The following RASGRF1 variants were observed in gnomAD, a reference collection of about 807,000 sequenced individuals.
The protein encoded by RASGRF1 is ras-specific guanine nucleotide-releasing factor 1.
In RASGRF1, 40 loss-of-function variants were observed where a neutral mutation model predicts 138.7. The ratio of observed to expected loss-of-function variants is 0.29; its 90% CI spans 0.22 to 0.38. The LOEUF is 0.38. RASGRF1 is among the 10% of genes least tolerant of loss of function. The pLI, the probability that RASGRF1 is intolerant of heterozygous loss-of-function variation, is 1.00. For synonymous variants in RASGRF1, 614 were observed against 663.2 expected, an observed-to-expected ratio of 0.93 and a Z score of 1.14; for missense variants, 1,108 against 1,650.4, an observed-to-expected ratio of 0.67 and a Z score of 5.69.
intron 1 of RASGRF1, among the ~76,000 whole-genome samples, chr15:79,066,323 C>G (rs918607159): frequency 1.8e-4 from 27 of 152,324 alleles, no homozygotes; most frequent in African/African-American, 5.8e-4. Flanking sequence ...GGATGACACA[C>G]CTGCACTGGG....
intron 6 of RASGRF1, among the ~76,000 whole-genome samples, chr15:79,033,312 G>C (rs1265389853): frequency 6.6e-6 from 1 of 150,794 alleles, no homozygotes; most frequent in Admixed American, 6.6e-5. Flanking sequence ...GTGCGGTCTC[G>C]GCTCACTGTA....
chr15:79,037,026 G>C (rs1038849927), intron 5 of RASGRF1, among the ~76,000 whole-genome samples: 3 of 152,162 alleles, frequency 2.0e-5, no homozygotes, highest in Non-Finnish European at 2.9e-5. Context: ...AGTTCCAAGA[G>C]AGACAGTCCC....
chr15:79,072,941 G>C (rs2057781905), intron 1 of RASGRF1, among the ~76,000 whole-genome samples: 1 of 152,122 alleles, frequency 6.6e-6, no homozygotes, highest in Non-Finnish European at 1.5e-5. Context: ...CACAGGATAG[G>C]ACCCAAATCA....
At chr15:79,059,385 TTC>T (rs1308189563) in intron 2 of RASGRF1, among the ~76,000 whole-genome samples, 46 of 94,666 alleles carry the variant, frequency 4.9e-4, no homozygotes, top group Non-Finnish European at 6.6e-4. Context: ...TTCCCTTCCC[TTC>T]CCTTCCCTTC....
intron 26 of RASGRF1, among the ~76,000 whole-genome samples, chr15:78,963,092 T>C (rs1478291362): frequency 3.3e-5 from 5 of 152,048 alleles, no homozygotes; most frequent in Non-Finnish European, 5.9e-5. Context: ...TAGGTTATCC[T>C]GTCTTCTCCT....
chr15:79,022,451 AAAC>A (rs1352315345), intron 10 of RASGRF1, among the ~76,000 whole-genome samples: 1 of 151,548 alleles, frequency 6.6e-6, no homozygotes, highest in Non-Finnish European at 1.5e-5. Flanking sequence ...AAAAACAAAC[AAAC>A]AACCCCCCCC....
chr15:79,078,457 T>A (rs1193723560), intron 1 of RASGRF1, among the ~76,000 whole-genome samples: 1 of 152,170 alleles, frequency 6.6e-6, no homozygotes, highest in Non-Finnish European at 1.5e-5. Context: ...AAGCACATTA[T>A]TCCCAAGTCA....
In RASGRF1 at chr15:79,001,791, G is replaced by A; in HGVS notation, c.2450-4C>T. On this transcript the variant is annotated splice_region_variant and splice_polypyrimidine_tract_variant and intron_variant, in intron 15 of 26. Coordinates refer to ENST00000558480, the MANE Select transcript of RASGRF1 (RefSeq NM_001145648.3). ...TCTCTCATGGAGACTTCTGAGCCTG[G>A]GAGAAAAGAAATAAATAATTTTACT... 7.0e-7 allele frequency: 1 copy of A among 1,418,548 alleles called. No individual in the cohort carries two copies. The highest frequency in any genetic ancestry group is 9.3e-7 in the Non-Finnish European group (1 of 1,074,248). The allele number at this position is 1,418,548 out of a possible 1,614,324, so 87.9% of individuals were successfully genotyped here.
At position 79,019,068 on chromosome 15, in the gene RASGRF1, C is replaced by CGTGTGT. The variant is rs147205114; in HGVS notation, c.1606+967_1606+972dup. 3.9e-3 allele frequency among the ~76,000 whole-genome samples: 587 copies of CGTGTGT among 151,342 alleles called. 2 individuals carry two copies. Among genetic ancestry groups the CGTGTGT allele is most frequent in the African/African-American group, 0.014 (569 of 41,312 alleles). On this transcript the variant is annotated intron_variant, in intron 11 of 26. Transcript: ENST00000558480. The stretch of plus-strand genomic sequence containing the variant: ...GCTGAACAGGGTGTGTGCATGAGGG[C>CGTGTGT]GTGTGTGTGTGTGTGTTTGCCAAGC...
chr15:79,085,300 G>A (rs534745878), intron 1 of RASGRF1, among the ~76,000 whole-genome samples: 63 of 152,322 alleles, frequency 4.1e-4, no homozygotes, highest in African/African-American at 1.4e-3. Context: ...GATAGGAAAG[G>A]GGAGGCACAT....
intron 10 of RASGRF1, among the ~76,000 whole-genome samples, chr15:79,023,298 C>T (rs1425881350): frequency 6.6e-6 from 1 of 152,172 alleles, no homozygotes; most frequent in Non-Finnish European, 1.5e-5. Context: ...TAATTGACAG[C>T]AAATCCACAT....
At chr15:79,051,013 TA>T (rs1321383727) in intron 3 of RASGRF1, among the ~76,000 whole-genome samples, 2 of 152,096 alleles carry the variant, frequency 1.3e-5, no homozygotes, top group South Asian at 4.2e-4. Context: ...ATAAGTGAAT[TA>T]AAAAAAATCA....
chr15:78,973,444 CA>C lies in RASGRF1; in HGVS notation c.3495-25del, dbSNP rs762889522. 3.3e-6 allele frequency: 5 copies of C among 1,527,732 alleles called. No homozygotes were observed. The South Asian group carries it at 4.6e-5, about 14-fold the overall frequency. 94.6% of individuals were successfully genotyped at this position (1,527,732 alleles called of 1,614,324 possible). ...AACTTGGAAGCAAACGGCATTAACA[CA>C]AGTTTTTCATTTTAAAAAAGTAACG... is the stretch of plus-strand genomic sequence containing the variant. On this transcript the variant is annotated intron_variant, in intron 24 of 26. Coordinates refer to ENST00000558480, the MANE Select transcript of RASGRF1 (RefSeq NM_001145648.3). This position sits in a 1 kb window ranked among gnomAD's most constrained non-coding sequence, Gnocchi z 4.9.
chr15:78,978,226 T>C (rs993354711), intron 24 of RASGRF1, among the ~76,000 whole-genome samples: 1,242 of 31,780 alleles, frequency 0.039, 18 homozygotes, highest in South Asian at 0.18. Context: ...TTTTGTTTTT[T>C]TTTTTTTTTT....
chr15:79,007,173 G>A (rs920491018), intron 13 of RASGRF1, among the ~76,000 whole-genome samples: 8 of 152,250 alleles, frequency 5.3e-5, no homozygotes, highest in Non-Finnish European at 1.0e-4. Flanking sequence ...GTCCAGTGCA[G>A]TTAGCCAGAA....
chr15:78,993,486 T>C (rs2056325825), intron 20 of RASGRF1, among the ~76,000 whole-genome samples: 1 of 151,832 alleles, frequency 6.6e-6, no homozygotes, highest in South Asian at 2.1e-4. Flanking sequence ...TGCAGGAACA[T>C]GGGTGTTGGG....
chr15:79,059,296 ATCCTT>A (rs1567594765), intron 2 of RASGRF1, among the ~76,000 whole-genome samples: 1 of 40,754 alleles, frequency 2.5e-5, no homozygotes, highest in Admixed American at 3.3e-4. Flanking sequence ...TCCCTTCCCT[ATCCTT>A]CCCTTCCCTT....
chr15:79,040,281 G>A (rs1595929466), intron 5 of RASGRF1, among the ~76,000 whole-genome samples: 2 of 152,008 alleles, frequency 1.3e-5, no homozygotes, highest in South Asian at 4.2e-4. Context: ...TGCTGATTCT[G>A]CTGTCTTCTG....
intron 22 of RASGRF1, among the ~76,000 whole-genome samples, chr15:78,989,231 G>A (rs1265532477): frequency 6.6e-6 from 1 of 152,210 alleles, no homozygotes; most frequent in Non-Finnish European, 1.5e-5. Context: ...GCACCCATCT[G>A]AACTTAGTGT....
Sources: allele counts gnomAD v4.1 joint callset (sites outside exome capture counted in the v4.1 genomes callset), GRCh38; gene constraint gnomAD v4.1.1; non-coding constraint Gnocchi (gnomAD v3.1); transcripts MANE v1.5; gene names NCBI Gene and HGNC (gene_info 2026-07-23, HGNC 2026-07-21).